Variants in CAST observed in about 807,000 individuals in gnomAD.
CAST encodes the protein calpastatin, also known as MIR583 host.
In CAST, 76 loss-of-function variants were observed where a neutral mutation model predicts 119.6. That is an observed-to-expected ratio of 0.64 (90% CI 0.53 to 0.77). CAST has a LOEUF of 0.77. Among genes scored for constraint, CAST ranks in the 30% least tolerant of loss-of-function variants. CAST has a pLI of 0.00. For missense variants in CAST, 953 were observed against 946.5 expected (o/e 1.01, Z -0.09); for synonymous variants, 319 against 331.6 (o/e 0.96, Z 0.41).
chr5:96,705,345 GAAAAA>G (rs557383702), intron 3 of CAST, among the ~76,000 whole-genome samples: 2 of 149,394 alleles, frequency 1.3e-5, no homozygotes, highest in Non-Finnish European at 3.0e-5. Flanking sequence ...AGAAAAAAAA[GAAAAA>G]AAAAGAATTG....
the CAST span, among the ~76,000 whole-genome samples, chr5:96,280,601 C>A: frequency 6.6e-6 from 1 of 152,176 alleles, no homozygotes; most frequent in African/African-American, 2.4e-5. Context: ...CCACACTAAG[C>A]CTCAGTTTCC....
At chr5:96,588,196 C>CTTTT (rs140665192) in intron 1 of CAST, among the ~76,000 whole-genome samples, 15,668 of 75,028 alleles carry the variant, frequency 0.21, 2,911 homozygotes, top group East Asian at 0.35. Context: ...TTCTTTCTTT[C>CTTTT]TTTTTTTTTT....
chr5:96,771,120 TCTTCCTGTAGTAGATTCC>T (rs1220174813), intron 30 of CAST, among the ~76,000 whole-genome samples: 1 of 152,194 alleles, frequency 6.6e-6, no homozygotes, highest in African/African-American at 2.4e-5. Flanking sequence ...TATATTAAAA[TCTTCCTGTAGTAGATTCC>T]CTTAAGGGAT....
Position 96,666,785 on chromosome 5 carries a change from C to T in CAST, c.75+4288C>T, listed in dbSNP as rs569089198. ...TTCCCAGAAGGTTAATTATATTCTA[C>T]AGGTGCCTTTTAAAGAATGCTATAG... On this transcript the variant is annotated intron_variant, in intron 1 of 31. Transcript: ENST00000675179. Among the ~76,000 whole-genome samples the T allele has an allele frequency of 5.9e-5, 9 of 152,248 alleles. No individual in the cohort carries two copies. In the South Asian group the frequency reaches 1.5e-3, roughly 25 times the overall value.
chr5:96,423,540 A>T, the CAST span: 2 of 1,273,070 alleles, frequency 1.6e-6, no homozygotes, highest in Non-Finnish European at 2.3e-6. Flanking sequence ...CAACCTGGAG[A>T]CCCATCTTTC....
chr5:96,710,248 A>C (rs776204474), intron 3 of CAST, among the ~76,000 whole-genome samples: 2 of 152,200 alleles, frequency 1.3e-5, no homozygotes, highest in Admixed American at 6.6e-5. Flanking sequence ...TCTTTTAACC[A>C]AATGTAAGTG....
At chr5:96,136,245 G>A in the CAST span, among the ~76,000 whole-genome samples, 1 of 152,148 alleles carries the variant, frequency 6.6e-6, no homozygotes, top group Non-Finnish European at 1.5e-5. Context: ...TTGATATTAT[G>A]TTATTTATTT....
chr5:95,983,570 C>T, the CAST span, among the ~76,000 whole-genome samples: 4 of 152,230 alleles, frequency 2.6e-5, no homozygotes, highest in East Asian at 3.9e-4. Context: ...CTTTAAAATA[C>T]GCCATCAAAT....
chr5:96,225,413 C>A, the CAST span, among the ~76,000 whole-genome samples: 183 of 152,082 alleles, frequency 1.2e-3, no homozygotes, highest in Middle Eastern at 6.8e-3. Context: ...GATATAACAG[C>A]TGGAATTATA....
chr5:96,766,240 A>G lies in CAST; in HGVS notation c.2130+95A>G, dbSNP rs27524. The G allele has an allele frequency of 0.63, 449,278 of 710,624 alleles. 143,368 individuals carry two copies. The highest frequency in any genetic ancestry group is 0.74 in the Admixed American group (31,968 of 43,266). 44.0% of individuals were successfully genotyped at this position (710,624 alleles called of 1,614,324 possible). On this transcript the variant is annotated intron_variant, in intron 27 of 31. Coordinates refer to ENST00000675179, the MANE Select transcript of CAST (RefSeq NM_001750.7). ...TAAATAGTAGCTATACTCCTTTACA[A>G]TAGCATAAAACATACCATGACTGAC...
At chr5:96,747,515 A>G (rs945041899) in intron 18 of CAST, 123 bp downstream of exon 18, 2 of 586,782 alleles carry the variant, frequency 3.4e-6, no homozygotes, top group African/African-American at 3.9e-5. Flanking sequence ...TACAGAGGAA[A>G]GGGGAACTTC....
At chr5:96,185,814 G>T in the CAST span, among the ~76,000 whole-genome samples, 809 of 151,758 alleles carry the variant, frequency 5.3e-3, 9 homozygotes, top group African/African-American at 0.019. Flanking sequence ...TTTGCTTAGG[G>T]TTGTCTTGGC....
intron 1 of CAST, chr5:96,546,640 A>G (rs1439529950): frequency 6.6e-6 from 1 of 152,152 alleles, no homozygotes; most frequent in Non-Finnish European, 1.5e-5. Context: ...CAGTATCTCT[A>G]TTTGTCACAT....
the CAST span, among the ~76,000 whole-genome samples, chr5:96,228,698 T>C: frequency 6.6e-6 from 1 of 152,220 alleles, no homozygotes; most frequent in Admixed American, 6.5e-5. Context: ...GAGGTAACCA[T>C]TGTGAGTCAT....
At chr5:95,996,349 C>T in the CAST span, among the ~76,000 whole-genome samples, 5 of 152,166 alleles carry the variant, frequency 3.3e-5, no homozygotes, top group African/African-American at 1.2e-4. Context: ...GCTGCAAGGC[C>T]ATCTCAAGTG....
intron 1 of CAST, among the ~76,000 whole-genome samples, chr5:96,591,901 T>C (rs1746968333): frequency 6.6e-6 from 1 of 152,192 alleles, no homozygotes. Context: ...TAGTTTGTAT[T>C]GTAGCTCATA....
chr5:96,742,436 TG>T, intron 15 of CAST: 1 of 531,054 alleles, frequency 1.9e-6, no homozygotes. Context: ...CAGAGAACGC[TG>T]TTACTGTAGA....
At chr5:96,041,924 C>G in the CAST span, among the ~76,000 whole-genome samples, 1 of 152,158 alleles carries the variant, frequency 6.6e-6, no homozygotes, top group Non-Finnish European at 1.5e-5. Flanking sequence ...ACTCCTCTCT[C>G]TCACCGCAAT....
intron 1 of CAST, among the ~76,000 whole-genome samples, chr5:96,641,347 T>G (rs2150203394): frequency 6.6e-6 from 1 of 152,326 alleles, no homozygotes; most frequent in African/African-American, 2.4e-5. Flanking sequence ...GCTAGGAGGC[T>G]ATGGAAACTT....
Sources: allele counts gnomAD v4.1 joint callset (sites outside exome capture counted in the v4.1 genomes callset), GRCh38; gene constraint gnomAD v4.1.1; transcripts MANE v1.5; gene names NCBI Gene and HGNC (gene_info 2026-07-23, HGNC 2026-07-21).